PFKFB3: variants seen among roughly 807,000 people sequenced by gnomAD.
The protein encoded by PFKFB3 is 6-phosphofructo-2-kinase/fructose-2,6-biphosphatase 3, also known as 6-phosphofructo-2-kinase/fructose-2,6-bisphosphatase 3.
PFKFB3 carries 33 observed loss-of-function variants against 68.0 expected under a neutral mutation model. The observed-to-expected ratio is 0.49, with a 90% CI of 0.37 to 0.65. PFKFB3 has a LOEUF of 0.65. Ranked by LOEUF, PFKFB3 falls within the 30% of genes least tolerant of loss-of-function variation. The pLI is 0.00. For synonymous variants in PFKFB3, 315 were observed against 288.2 expected, an observed-to-expected ratio of 1.09 and a Z score of -0.94; for missense variants, 586 against 712.2, an observed-to-expected ratio of 0.82 and a Z score of 2.02.
chr10:6,287,387 G>A, the PFKFB3 span, among the ~76,000 whole-genome samples: 1 of 152,120 alleles, frequency 6.6e-6, no homozygotes, highest in South Asian at 2.1e-4. Flanking sequence ...ACTGAACCTG[G>A]CTGAGATTAT....
chr10:6,151,719 C>T (rs538413661), intron 1 of PFKFB3, among the ~76,000 whole-genome samples: 1 of 152,138 alleles, frequency 6.6e-6, no homozygotes, highest in Non-Finnish European at 1.5e-5. Context: ...CGGGAGGGTA[C>T]CCTCCCCGCT....
chr10:6,180,228 G>GGAA (rs755962768), intron 1 of PFKFB3, among the ~76,000 whole-genome samples: 1 of 78,622 alleles, frequency 1.3e-5, no homozygotes, highest in Non-Finnish European at 2.8e-5. Context: ...GATGGATGGA[G>GGAA]GAATGAATGA....
rs539611088 is a variant in PFKFB3, at chr10:6,245,520, G to A, written c.1516-8658G>A. 1.6e-4 allele frequency among the ~76,000 whole-genome samples: 25 copies of A among 151,654 alleles called. No homozygotes were observed. In the South Asian group the frequency reaches 5.2e-3, roughly 32 times the overall value. ...CAGTCTCAACTTCCTAGGTTCAAGG[G>A]ATCCTCCGTCCTCAGCCTCCCCCGT... On this transcript the variant is annotated intron_variant, in intron 14 of 14. Transcript: ENST00000640683.
intron 1 of PFKFB3, among the ~76,000 whole-genome samples, chr10:6,184,793 A>C (rs1378211430): frequency 8.3e-5 from 11 of 132,910 alleles, no homozygotes; most frequent in Non-Finnish European, 1.6e-4. Flanking sequence ...TTTTTTTAAG[A>C]GAGCGTGTTT....
chr10:6,225,769 G>A, intron 13 of PFKFB3, among the ~76,000 whole-genome samples: 1 of 150,872 alleles, frequency 6.6e-6, no homozygotes, highest in East Asian at 2.0e-4. Context: ...CAGCGGAAGG[G>A]AGTCAGCACA....
intron 1 of PFKFB3, among the ~76,000 whole-genome samples, chr10:6,183,587 G>A (rs1199705281): frequency 1.1e-4 from 13 of 113,074 alleles, no homozygotes; most frequent in Non-Finnish European, 1.7e-4. Flanking sequence ...TCAGGAGTTC[G>A]AGACCAGCCT....
chr10:6,280,057 T>TG, the PFKFB3 span, among the ~76,000 whole-genome samples: 2 of 152,194 alleles, frequency 1.3e-5, no homozygotes, highest in African/African-American at 4.8e-5. Flanking sequence ...CGGACACACC[T>TG]GGCTCGTTAC....
At chr10:6,239,873 C>T (rs1336112007), downstream of PFKFB3, among the ~76,000 whole-genome samples, 2 of 151,996 alleles carry the variant, frequency 1.3e-5, no homozygotes, top group African/African-American at 4.8e-5. Flanking sequence ...GGGGTTTCAC[C>T]ATGTTGGCCA....
At chr10:6,205,072 T>C (rs1843596572) in intron 1 of PFKFB3, among the ~76,000 whole-genome samples, 1 of 152,222 alleles carries the variant, frequency 6.6e-6, no homozygotes, top group African/African-American at 2.4e-5. Flanking sequence ...TAAGAATCCC[T>C]GTCAGAATCA....
downstream of PFKFB3, among the ~76,000 whole-genome samples, chr10:6,236,677 A>G (rs1232444444): frequency 1.3e-5 from 2 of 152,220 alleles, no homozygotes; most frequent in African/African-American, 2.4e-5. Context: ...TGTCAGGTGC[A>G]GGGATGGAGC....
chr10:6,190,488 AT>A (rs1418996109), intron 1 of PFKFB3, among the ~76,000 whole-genome samples: 1 of 152,100 alleles, frequency 6.6e-6, no homozygotes, highest in Non-Finnish European at 1.5e-5. Context: ...TATTACTATC[AT>A]TATTCATTTT....
the PFKFB3 span, among the ~76,000 whole-genome samples, chr10:6,298,617 C>T: frequency 5.9e-5 from 9 of 152,190 alleles, no homozygotes; most frequent in African/African-American, 1.9e-4. Context: ...CCTCCTGCCT[C>T]GGCCTCCCAA....
chr10:6,145,248 T>TCCCCTCCGGCCCCACGCGTC (rs1841341420), intron 1 of PFKFB3, among the ~76,000 whole-genome samples: 1 of 151,154 alleles, frequency 6.6e-6, no homozygotes, highest in Non-Finnish European at 1.5e-5. Flanking sequence ...GTCCTGCGTG[T>TCCCCTCCGGCCCCACGCGTC]CCCCTCCGGC....
intron 1 of PFKFB3, chr10:6,163,925 C>T (rs534287339): frequency 6.6e-6 from 1 of 152,534 alleles, no homozygotes; most frequent in African/African-American, 2.4e-5. Context: ...CTCTGGGGAC[C>T]TGGGGTTGTG....
At chr10:6,174,100 C>T (rs899097607) in intron 1 of PFKFB3, among the ~76,000 whole-genome samples, 7 of 151,796 alleles carry the variant, frequency 4.6e-5, no homozygotes, top group Non-Finnish European at 5.9e-5. Context: ...TAGAAGGAGT[C>T]ATTAGTCCTT....
At chr10:6,242,524 T>C (rs1051032888) in intron 14 of PFKFB3, among the ~76,000 whole-genome samples, 1 of 152,186 alleles carries the variant, frequency 6.6e-6, no homozygotes, top group Non-Finnish European at 1.5e-5. Context: ...TGGTCTCTAA[T>C]GTGTGCAGGC....
chr10:6,163,347 T>C (rs2131719265), intron 1 of PFKFB3, among the ~76,000 whole-genome samples: 1 of 152,294 alleles, frequency 6.6e-6, no homozygotes. Flanking sequence ...CAAGTGTATA[T>C]TACTTTTTTT....
chr10:6,201,268 G>C (rs1445386034), upstream of PFKFB3, among the ~76,000 whole-genome samples: 3 of 151,828 alleles, frequency 2.0e-5, no homozygotes. The surrounding 1 kb of genome is among the most constrained non-coding windows in gnomAD (Gnocchi z 4.1). Flanking sequence ...CTCTCCCCTG[G>C]GCGTTTAGGG....
rs1269427818 is a variant in PFKFB3 at position 6,249,241 on chromosome 10, A to T, written c.1516-4937A>T. 2.0e-5 allele frequency among the ~76,000 whole-genome samples: 3 copies of T among 152,064 alleles called. No individual in the cohort carries two copies. The East Asian group carries it at 5.8e-4, about 29-fold the overall frequency. On this transcript the variant is annotated intron_variant, in intron 14 of 14. Transcript: ENST00000640683. ...AAACCCTTGTACACTGTTGGTGGGA[A>T]TGTAAATTAGTACAGCCACTATGAA...
Sources: allele counts gnomAD v4.1 joint callset (sites outside exome capture counted in the v4.1 genomes callset), GRCh38; gene constraint gnomAD v4.1.1; non-coding constraint Gnocchi (gnomAD v3.1); transcripts MANE v1.5; gene names NCBI Gene and HGNC (gene_info 2026-07-23, HGNC 2026-07-21).